The following SIK3 variants were observed in gnomAD, a reference collection of about 807,000 sequenced individuals.
The protein encoded by SIK3 is serine/threonine-protein kinase SIK3.
A neutral mutation model predicts 144.2 loss-of-function variants in SIK3; 28 were observed. The observed-to-expected ratio is 0.19, with a 90% CI of 0.14 to 0.27. The LOEUF is 0.27. Among genes scored for constraint, SIK3 ranks in the 10% least tolerant of loss-of-function variants. The probability of loss-of-function intolerance (pLI) is 1.00; values close to 1 mark genes in which losing one functional copy is unlikely to be tolerated. For missense variants in SIK3, 1,319 were observed against 1,776.0 expected (o/e 0.74, Z 4.62); for synonymous variants, 686 against 676.3 (o/e 1.01, Z -0.22).
intron 4 of SIK3, among the ~76,000 whole-genome samples, chr11:116,918,894 A>T (rs1210770667): frequency 6.6e-6 from 1 of 152,228 alleles, no homozygotes; most frequent in Non-Finnish European, 1.5e-5. Context: ...CCCAAGGGTC[A>T]ACGTGCAGGA....
At chr11:117,058,740 G>A (rs1953661351) in intron 1 of SIK3, among the ~76,000 whole-genome samples, 3 of 152,138 alleles carry the variant, frequency 2.0e-5, no homozygotes, top group African/African-American at 7.2e-5. Context: ...CCAAACAAGT[G>A]AGAAAACTAC....
At chr11:116,961,077 C>T (rs1949331911) in intron 1 of SIK3, among the ~76,000 whole-genome samples, 1 of 152,208 alleles carries the variant, frequency 6.6e-6, no homozygotes, top group Non-Finnish European at 1.5e-5. Context: ...TAAACGCATT[C>T]CATTCAGGAA....
At position 117,035,613 on chromosome 11, in the gene SIK3, G is replaced by A. The variant is rs1591582711; in HGVS notation, c.273+62530C>T. 2.0e-5 allele frequency among the ~76,000 whole-genome samples: 3 copies of A among 152,300 alleles called. No homozygotes were observed. The Middle Eastern group carries it at 0.01, about 522-fold the overall frequency. On this transcript the variant is annotated intron_variant, in intron 1 of 24. Transcript: ENST00000445177. ...ATTGTCACCCAGGCTGGAATGCAGTGATGTGATCATAGCTCACTGTAACCT... is the reference window on the plus strand; with the variant it reads ...ATTGTCACCCAGGCTGGAATGCAGTAATGTGATCATAGCTCACTGTAACCT...
chr11:116,935,690 T>C (rs1947879091), intron 3 of SIK3, among the ~76,000 whole-genome samples: 2 of 152,052 alleles, frequency 1.3e-5, no homozygotes, highest in Non-Finnish European at 2.9e-5. Context: ...GTAACAGAGG[T>C]TCTAATCAGA....
chr11:117,049,056 G>A (rs1358771475), intron 1 of SIK3, among the ~76,000 whole-genome samples: 4 of 152,098 alleles, frequency 2.6e-5, no homozygotes, highest in Admixed American at 6.5e-5. Context: ...AGCTGAGATC[G>A]TGCCACTGCA....
In SIK3 at chr11:116,862,197, C is replaced by A; in HGVS notation, c.2229+5G>T. ...AGTTGGAGAAAGCAAAGAGTGAGGG[C>A]CTACTTGAATTTGTTGCTGGAGAAT... On this transcript the variant is annotated splice_donor_5th_base_variant and intron_variant, in intron 17 of 24. Coordinates refer to ENST00000445177, the MANE Select transcript of SIK3 (RefSeq NM_001366686.3). The A allele has an allele frequency of 6.2e-7, 1 of 1,614,152 alleles. No homozygotes were observed. Among genetic ancestry groups the A allele is most frequent in the Non-Finnish European group, 8.5e-7 (1 of 1,180,028 alleles).
chr11:116,917,827 G>GAAGGAAAGGAAAGAA, intron 4 of SIK3, among the ~76,000 whole-genome samples: 1 of 105,020 alleles, frequency 9.5e-6, no homozygotes, highest in East Asian at 2.5e-4. Context: ...GAAGAAGAAG[G>GAAGGAAAGGAAAGAA]AAGGAAAGGA....
chr11:116,923,406 T>A (rs148299452), intron 4 of SIK3, among the ~76,000 whole-genome samples: 95 of 152,342 alleles, frequency 6.2e-4, no homozygotes, highest in African/African-American at 1.9e-3. Context: ...TCTGACCTTA[T>A]CCTGTCAAAA....
rs1034560519 is a variant in SIK3, at chr11:117,000,201, T to C, written c.274-43137A>G. ...TTATATAAAAGGGGAAAGTACAGTA[T>C]GGAATAACACTGTTCTACTATTTCT... On this transcript the variant is annotated intron_variant, in intron 1 of 24. Transcript: ENST00000445177. Among the ~76,000 whole-genome samples the C allele has an allele frequency of 3.3e-5, 5 of 152,214 alleles. No individual in the cohort carries two copies. The South Asian group carries it at 6.2e-4, about 19-fold the overall frequency.
chr11:116,843,871 G>C lies in SIK3; in HGVS notation c.*1772C>G, dbSNP rs926234107. On this transcript the variant is annotated 3_prime_UTR_variant, in exon 25 of 25. Coordinates refer to ENST00000445177, the MANE Select transcript of SIK3 (RefSeq NM_001366686.3). ...GGGACAGCTCCCACGAAGGGCTCTT[G>C]CACTGCAGAATTCCACTCAAGGGAT... 6.6e-6 allele frequency: 1 copy of C among 152,200 alleles called. No individual in the cohort carries two copies. The highest frequency in any genetic ancestry group is 2.4e-5 in the African/African-American group (1 of 41,448). The allele number at this position is 152,200 out of a possible 1,614,324, so 9.4% of individuals were successfully genotyped here. A position where few individuals can be genotyped will look rare whatever the true frequency, so the allele number is the denominator to read the frequency against.
At chr11:116,965,191 A>T (rs1949483253) in intron 1 of SIK3, among the ~76,000 whole-genome samples, 1 of 152,218 alleles carries the variant, frequency 6.6e-6, no homozygotes, top group Non-Finnish European at 1.5e-5. Context: ...TCTCAGTTCC[A>T]GTAATTCCCA....
At chr11:116,850,082 T>G (rs975173381) in intron 21 of SIK3, among the ~76,000 whole-genome samples, 5 of 152,226 alleles carry the variant, frequency 3.3e-5, no homozygotes, top group African/African-American at 1.2e-4. Context: ...GGGCCACTAT[T>G]GATTCCTTAC....
At chr11:116,876,145 A>C (rs988828494) in intron 8 of SIK3, 108 bp downstream of exon 8, 1 of 1,501,362 alleles carries the variant, frequency 6.7e-7, no homozygotes. Context: ...CAGAGGAAGA[A>C]AAACAGGAGG....
chr11:117,001,482 G>C (rs1950847834), intron 1 of SIK3, among the ~76,000 whole-genome samples: 1 of 151,452 alleles, frequency 6.6e-6, no homozygotes, highest in Non-Finnish European at 1.5e-5. Flanking sequence ...CTCCAGCCTG[G>C]GCAACACAGC....
At chr11:116,927,956 A>G (rs768981815) in intron 3 of SIK3, among the ~76,000 whole-genome samples, 6 of 152,246 alleles carry the variant, frequency 3.9e-5, no homozygotes, top group Non-Finnish European at 1.5e-5. Flanking sequence ...TGGAGTGCAT[A>G]GCGATATACC....
At chr11:116,956,183 T>A (rs897130831) in intron 2 of SIK3, among the ~76,000 whole-genome samples, 2 of 152,004 alleles carry the variant, frequency 1.3e-5, no homozygotes, top group African/African-American at 4.8e-5. Flanking sequence ...AAGCCCCACC[T>A]CTCCCAAAAT....
At chr11:116,901,609 C>T (rs185534182) in intron 4 of SIK3, among the ~76,000 whole-genome samples, 76 of 152,290 alleles carry the variant, frequency 5.0e-4, no homozygotes, top group African/African-American at 1.8e-3. Flanking sequence ...TCTGTCTGTA[C>T]TTTCTTTCCC....
intron 9 of SIK3, 105 bp downstream of exon 9, chr11:116,875,761 T>C: frequency 7.5e-7 from 1 of 1,339,554 alleles, no homozygotes; most frequent in South Asian, 1.4e-5. Flanking sequence ...GAGACAGAGG[T>C]AAGGAAGAGC....
At chr11:116,973,299 T>A (rs1949830338) in intron 1 of SIK3, among the ~76,000 whole-genome samples, 1 of 152,160 alleles carries the variant, frequency 6.6e-6, no homozygotes, top group African/African-American at 2.4e-5. Flanking sequence ...ACAACTATCA[T>A]CTCCAAGAAA....
Sources: allele counts gnomAD v4.1 joint callset (sites outside exome capture counted in the v4.1 genomes callset), GRCh38; gene constraint gnomAD v4.1.1; transcripts MANE v1.5; gene names NCBI Gene and HGNC (gene_info 2026-07-23, HGNC 2026-07-21).